Variants in POLR1E observed in about 807,000 individuals in gnomAD.
The protein encoded by POLR1E is DNA-directed RNA polymerase I subunit RPA49.
In POLR1E, 37 loss-of-function variants were observed where a neutral mutation model predicts 50.9. The observed-to-expected ratio is 0.73, with a 90% CI of 0.56 to 0.96. The LOEUF (loss-of-function observed/expected upper bound fraction) is 0.96, where lower values mean the gene tolerates loss of function less well. Among genes scored for constraint, POLR1E ranks in the 40% least tolerant of loss-of-function variants. The probability of loss-of-function intolerance (pLI) is 0.00; values close to 1 mark genes in which losing one functional copy is unlikely to be tolerated. For synonymous variants in POLR1E, 166 were observed against 191.6 expected (o/e 0.87, Z 1.10); for missense variants, 426 against 518.1 (o/e 0.82, Z 1.73).
In POLR1E at chr9:37,492,199, A is replaced by T. The variant is rs148468249; in HGVS notation, c.344-458A>T. On this transcript the variant is annotated intron_variant, in intron 4 of 11. Transcript: ENST00000377798. ...AGCTTGTACTGTTGTGTACTAAGTT[A>T]TACTGCCCTTATTTGAGTACTTTGT... 646 of 1,215,200 alleles carry T rather than the reference A, an allele frequency of 5.3e-4. 6 individuals are homozygous for T. The African/African-American group carries it at 7.1e-3, about 13-fold the overall frequency. 75.3% of individuals were successfully genotyped at this position (1,215,200 alleles called of 1,614,324 possible).
At chr9:37,489,510 A>G in intron 4 of POLR1E, 110 bp downstream of exon 4, 2 of 721,250 alleles carry the variant, frequency 2.8e-6, no homozygotes, top group Non-Finnish European at 4.3e-6. Context: ...ATTTTAATTT[A>G]TTTATTCTGT....
At chr9:37,492,148 T>G in intron 4 of POLR1E, 30 of 654,256 alleles carry the variant, frequency 4.6e-5, no homozygotes, top group Non-Finnish European at 6.6e-5. Context: ...GGGTGATGGC[T>G]GAGATAACAG....
chr9:37,501,983 C>A, intron 11 of POLR1E, 139 bp downstream of exon 11: 1 of 862,552 alleles, frequency 1.2e-6, no homozygotes, highest in Non-Finnish European at 1.7e-6. Context: ...GGACTATTTT[C>A]AATGAATGAA....
intron 11 of POLR1E, among the ~76,000 whole-genome samples, chr9:37,502,053 T>C (rs1820901125): frequency 6.6e-6 from 1 of 152,256 alleles, no homozygotes; most frequent in African/African-American, 2.4e-5. Context: ...AGATAAATTA[T>C]GTCATTATCT....
Position 37,485,958 on chromosome 9 carries a change from C to T in POLR1E, c.-90C>T. ...CCGGCGGGGCCACGCCTTTTCCGGC[C>T]CGCAGCGCGGCCTGGGCTCCCGCGT... On this transcript the variant is annotated 5_prime_UTR_variant, in exon 1 of 12. Coordinates refer to ENST00000377798, the MANE Select transcript of POLR1E (RefSeq NM_022490.4). 1 of 1,507,076 alleles carries T rather than the reference C, an allele frequency of 6.6e-7. No individual in the cohort carries two copies. The highest frequency in any genetic ancestry group is 1.2e-5 in the South Asian group (1 of 82,986). The allele number at this position is 1,507,076 out of a possible 1,614,324, so 93.4% of individuals were successfully genotyped here. A position where few individuals can be genotyped will look rare whatever the true frequency, so the allele number is the denominator to read the frequency against.
At position 37,501,736 on chromosome 9, in the gene POLR1E, C is replaced by T. The variant is rs200324672; in HGVS notation, c.992C>T (p.Ser331Phe). 4.3e-6 allele frequency: 7 copies of T among 1,611,670 alleles called. No homozygotes were observed. The highest frequency in any genetic ancestry group is 5.9e-6 in the Non-Finnish European group (7 of 1,179,524). Residue 331 changes from serine to phenylalanine, a missense_variant, in exon 11 of 12, where the codon TCT (serine) becomes TTT (phenylalanine). By Grantham distance (155) the Ser-to-Phe change is radical. Transcript: ENST00000377798. ...AGATTACGGAACTTAATTTCGGATT[C>T]TATGAAGGCGAAGATTACTGCATAT... ...NGRLRNLISD[S>F]MKAKITAYVI...
At position 37,486,174 on chromosome 9, in the gene POLR1E, T is replaced by C. The variant is rs370920219; in HGVS notation, c.76+51T>C. The C allele has an allele frequency of 1.6e-5, 25 of 1,521,828 alleles. No individual in the cohort carries two copies. The African/African-American group carries it at 2.5e-4, about 15-fold the overall frequency. The allele number at this position is 1,521,828 out of a possible 1,614,324, so 94.3% of individuals were successfully genotyped here. A position where few individuals can be genotyped will look rare whatever the true frequency, so the allele number is the denominator to read the frequency against. ...GCTCCTCTAACCCTCTCCCCTTCCGTCTCGGTACCTCAGCTGTCCTCTCGC... is the reference window on the plus strand; with the variant it reads ...GCTCCTCTAACCCTCTCCCCTTCCGCCTCGGTACCTCAGCTGTCCTCTCGC... On this transcript the variant is annotated intron_variant, in intron 1 of 11. Coordinates refer to ENST00000377798, the MANE Select transcript of POLR1E (RefSeq NM_022490.4).
chr9:37,487,951 G>A lies in POLR1E; in HGVS notation c.257+12G>A, dbSNP rs1242345235. On this transcript the variant is annotated intron_variant, in intron 3 of 11. Coordinates refer to ENST00000377798, the MANE Select transcript of POLR1E (RefSeq NM_022490.4). ...AACACTTTGTGCAGGTAATGGCAGGGGAAGGGACAGTGGGAAGGGTGATGG... is the reference window on the plus strand; with the variant it reads ...AACACTTTGTGCAGGTAATGGCAGGAGAAGGGACAGTGGGAAGGGTGATGG... The A allele has an allele frequency of 6.2e-7, 1 of 1,613,566 alleles. No individual in the cohort carries two copies. The highest frequency in any genetic ancestry group is 1.6e-4 in the Middle Eastern group (1 of 6,062).
intron 9 of POLR1E, among the ~76,000 whole-genome samples, chr9:37,499,848 CT>C (rs369146345): frequency 0.045 from 6,039 of 135,612 alleles, 408 homozygotes; most frequent in African/African-American, 0.15. Flanking sequence ...TTGCTTAGTT[CT>C]TTTTTTTTTT....
chr9:37,495,723 G>C (rs538979002), intron 7 of POLR1E, among the ~76,000 whole-genome samples, 167 bp from the exon 8 acceptor site: 10 of 152,284 alleles, frequency 6.6e-5, no homozygotes, highest in South Asian at 6.2e-4. Flanking sequence ...CTCTGGGCTG[G>C]GAGTCGGAGA....
intron 1 of POLR1E, 99 bp downstream of exon 1, chr9:37,486,222 CG>C: frequency 7.0e-7 from 1 of 1,423,060 alleles, no homozygotes; most frequent in East Asian, 2.5e-5. Context: ...TTCTCCCCAG[CG>C]GGGCCGGGAC....
At chr9:37,486,436 T>C in intron 1 of POLR1E, 1 of 1,545,314 alleles carries the variant, frequency 6.5e-7, no homozygotes. Context: ...TCTGTCACTT[T>C]AGGTATGTAC....
intron 11 of POLR1E, 117 bp downstream of exon 11, chr9:37,501,961 C>A: frequency 1.8e-6 from 2 of 1,103,248 alleles, no homozygotes; most frequent in African/African-American, 1.6e-5. Flanking sequence ...GTGGGAACAA[C>A]TTGGAACTAA....
At chr9:37,498,040 C>G in intron 8 of POLR1E, 51 bp from the exon 9 acceptor site, 1 of 1,588,386 alleles carries the variant, frequency 6.3e-7, no homozygotes, top group East Asian at 2.2e-5. Context: ...TAGTTCCTGA[C>G]AGAGCCCATC....
chr9:37,498,363 A>G (rs1820821848), intron 9 of POLR1E, 139 bp downstream of exon 9: 4 of 964,240 alleles, frequency 4.1e-6, no homozygotes, highest in Non-Finnish European at 5.9e-6. Context: ...TCATTCTGGT[A>G]CTGCTGACAT....
At chr9:37,492,546 T>C (rs562868909) in intron 4 of POLR1E, 111 bp from the exon 5 acceptor site, 27 of 1,061,432 alleles carry the variant, frequency 2.5e-5, no homozygotes, top group Non-Finnish European at 3.5e-5. Flanking sequence ...GGAAGTCCTA[T>C]AGTAAAGAAA....
chr9:37,489,223 A>C, intron 3 of POLR1E, 92 bp from the exon 4 acceptor site: 2 of 999,526 alleles, frequency 2.0e-6, no homozygotes, highest in Non-Finnish European at 1.4e-6. Context: ...GGGTGACAGC[A>C]AGACTCTGTC....
rs1364194105 is a variant in POLR1E at position 37,489,309 on chromosome 9, A to G, written c.258-6A>G. 6.3e-7 allele frequency: 1 copy of G among 1,584,490 alleles called. No homozygotes were observed. The highest frequency in any genetic ancestry group is 8.6e-7 in the Non-Finnish European group (1 of 1,165,218). On this transcript the variant is annotated splice_region_variant and splice_polypyrimidine_tract_variant and intron_variant, in intron 3 of 11. Transcript: ENST00000377798. ...TTGTTATTTGTATTATTTCTTCTTT[A>G]TTCAGGCACTTTGTGGGAATTTTGA...
chr9:37,502,665 G>C (rs1820911026), intron 11 of POLR1E, among the ~76,000 whole-genome samples: 1 of 152,192 alleles, frequency 6.6e-6, no homozygotes, highest in Non-Finnish European at 1.5e-5. Context: ...CACAAACTGT[G>C]TTCCCACAGG....
Sources: gnomAD v4.1 joint callset for allele counts (sites outside exome capture counted in the v4.1 genomes callset) on GRCh38, gnomAD v4.1.1 for gene constraint, MANE v1.5 for transcripts, NCBI Gene and HGNC (gene_info 2026-07-23, HGNC 2026-07-21) for gene names.